Variants in LMBR1 observed in about 807,000 individuals in gnomAD.
LMBR1 encodes limb development membrane protein 1, also known as limb region 1 protein homolog.
Under a neutral mutation model 73.9 loss-of-function variants are expected in LMBR1, and 52 were observed. That is an observed-to-expected ratio of 0.70 (90% CI 0.56 to 0.89). The LOEUF (loss-of-function observed/expected upper bound fraction) is 0.89. Among genes scored for constraint, LMBR1 ranks in the 40% least tolerant of loss-of-function variants. The probability of loss-of-function intolerance (pLI) is 0.00; values close to 1 mark genes in which losing one functional copy is unlikely to be tolerated. For missense variants in LMBR1, 539 were observed against 579.8 expected (o/e 0.93, Z 0.72); for synonymous variants, 215 against 209.4 (o/e 1.03, Z -0.23).
rs1421924229 is a variant in LMBR1, at chr7:156,670,400, A to C, written n.867-1113T>G. ...CGGGTCCAGGGAAGTGACTTGCCTA[A>C]GAGAGGATGTGGCGCAGGATGTCAC... On this transcript the variant is annotated intron_variant and non_coding_transcript_variant, in intron 4 of 4. Coordinates refer to the LMBR1 transcript ENST00000430825. The surrounding 1 kb of genome is among the most constrained non-coding windows in gnomAD (Gnocchi z 4.3). 6.6e-6 allele frequency among the ~76,000 whole-genome samples: 1 copy of C among 152,232 alleles called. No individual in the cohort carries two copies. Among genetic ancestry groups the C allele is most frequent in the Non-Finnish European group, 1.5e-5 (1 of 68,050 alleles).
At chr7:156,705,105 C>T (rs564291658) in intron 15 of LMBR1, among the ~76,000 whole-genome samples, 6 of 152,290 alleles carry the variant, frequency 3.9e-5, no homozygotes, top group Admixed American at 6.5e-5. Flanking sequence ...ATGAAAAATA[C>T]ACTGCACAAA....
rs1162576006 is a variant in LMBR1 at position 156,803,459 on chromosome 7, C to A, written c.320-6967G>T. 4.6e-5 allele frequency among the ~76,000 whole-genome samples: 7 copies of A among 152,260 alleles called. No homozygotes were observed. The East Asian group carries it at 1.2e-3, about 25-fold the overall frequency. On this transcript the variant is annotated intron_variant, in intron 4 of 16. Coordinates refer to ENST00000353442, the MANE Select transcript of LMBR1 (RefSeq NM_022458.4). ...AATCAAAACCACAATGAGACACCAT[C>A]TCACACCAGTTAGAATGGCGATCAT...
intron 4 of LMBR1, among the ~76,000 whole-genome samples, chr7:156,813,380 C>T (rs1435835347): frequency 6.6e-6 from 1 of 152,228 alleles, no homozygotes; most frequent in Non-Finnish European, 1.5e-5. Flanking sequence ...TAGTTACCTA[C>T]TCTATTTCAA....
At chr7:156,719,900 A>G (rs1052480090) in intron 15 of LMBR1, among the ~76,000 whole-genome samples, 3 of 151,760 alleles carry the variant, frequency 2.0e-5, no homozygotes, top group Non-Finnish European at 3.0e-5. Context: ...CTGGCTAGCC[A>G]TATGTAGAAA....
At chr7:156,743,243 C>CAA (rs1401634214) in intron 9 of LMBR1, among the ~76,000 whole-genome samples, 7 of 152,058 alleles carry the variant, frequency 4.6e-5, no homozygotes, top group Non-Finnish European at 2.9e-5. Context: ...AAATGACTTA[C>CAA]GATTTAGCTT....
chr7:156,734,318 G>GGTTTAATTAAA, intron 9 of LMBR1, 61 bp from the exon 10 acceptor site: 2 of 1,033,770 alleles, frequency 1.9e-6, no homozygotes, highest in African/African-American at 1.6e-5. Flanking sequence ...AGAACAGGTA[G>GGTTTAATTAAA]CCCTTTAATT....
chr7:156,888,428 A>C (rs1273681091), intron 1 of LMBR1, among the ~76,000 whole-genome samples: 2 of 151,670 alleles, frequency 1.3e-5, no homozygotes, highest in Middle Eastern at 3.4e-3. Context: ...AAAAAAAAAA[A>C]ATTAAACATA....
At chr7:156,802,335 T>C (rs1563397457) in intron 4 of LMBR1, among the ~76,000 whole-genome samples, 3 of 152,214 alleles carry the variant, frequency 2.0e-5, no homozygotes, top group South Asian at 4.1e-4. Context: ...ATTACAAATC[T>C]CTAGATCAAA....
chr7:156,730,677 G>A (rs1266282746), intron 10 of LMBR1, among the ~76,000 whole-genome samples: 2 of 152,178 alleles, frequency 1.3e-5, no homozygotes, highest in African/African-American at 4.8e-5. Context: ...GGTGGCTCAC[G>A]CCTGTAATCC....
chr7:156,763,181 TA>T lies in LMBR1; in HGVS notation c.551-6del, dbSNP rs772256899. The T allele has an allele frequency of 4.6e-5, 54 of 1,179,750 alleles. No individual in the cohort carries two copies. The highest frequency in any genetic ancestry group is 6.9e-5 in the Admixed American group (3 of 43,504). 73.1% of individuals were successfully genotyped at this position (1,179,750 alleles called of 1,614,324 possible). A position where few individuals can be genotyped will look rare whatever the true frequency, so the allele number is the denominator to read the frequency against. The stretch of plus-strand genomic sequence containing the variant: ...GTAGATAGAACTCCCAGAGATCTAT[TA>T]AAAAAAAGTAAATATATTTTAATAA... On this transcript the variant is annotated splice_polypyrimidine_tract_variant and splice_region_variant and intron_variant, in intron 6 of 16. Transcript: ENST00000353442.
intron 1 of LMBR1, among the ~76,000 whole-genome samples, chr7:156,891,208 AAAAATATAT>A (rs1402177005): frequency 6.8e-5 from 6 of 88,236 alleles, no homozygotes; most frequent in African/African-American, 3.0e-4. Flanking sequence ...AAAAAAAAAA[AAAAATATAT>A]ATATATATAT....
At chr7:156,882,054 C>A (rs558658176) in intron 1 of LMBR1, among the ~76,000 whole-genome samples, 1 of 152,238 alleles carries the variant, frequency 6.6e-6, no homozygotes, top group South Asian at 2.1e-4. Context: ...TTCACAATAG[C>A]AAAGATGTGG....
intron 6 of LMBR1, among the ~76,000 whole-genome samples, 176 bp downstream of exon 6, chr7:156,763,489 AAAAT>A (rs1823507041): frequency 6.6e-6 from 1 of 152,174 alleles, no homozygotes; most frequent in Non-Finnish European, 1.5e-5. Flanking sequence ...CTTCACATAT[AAAAT>A]AAATAAAACT....
intron 3 of LMBR1, among the ~76,000 whole-genome samples, chr7:156,828,723 T>A (rs1290873555): frequency 6.6e-6 from 1 of 152,218 alleles, no homozygotes; most frequent in Admixed American, 6.5e-5. Flanking sequence ...ATACTTTCAG[T>A]TAGCAAACAA....
At position 156,763,658 on chromosome 7, in the gene LMBR1, G is replaced by GA; in HGVS notation, c.550+10dup. On this transcript the variant is annotated intron_variant, in intron 6 of 16. Transcript: ENST00000353442. ...CAGTAAGGAAACTGGTTAAAACAAG[G>GA]AAATCCATACCATATAAAGATTCCA... 2.6e-6 allele frequency: 4 copies of GA among 1,560,866 alleles called. No homozygotes were observed. The highest frequency in any genetic ancestry group is 3.4e-6 in the Non-Finnish European group (4 of 1,163,690).
intron 1 of LMBR1, among the ~76,000 whole-genome samples, chr7:156,837,569 A>T (rs76260799): frequency 0.032 from 4,825 of 152,220 alleles, 122 homozygotes; most frequent in South Asian, 0.084. Context: ...TTAAAACATT[A>T]TCAAAAGCTT....
intron 10 of LMBR1, 61 bp downstream of exon 10, chr7:156,734,116 G>A: frequency 1.9e-6 from 2 of 1,046,458 alleles, no homozygotes; most frequent in Non-Finnish European, 1.4e-6. Context: ...TCAGACTACA[G>A]TAAAGTCTTT....
Position 156,770,687 on chromosome 7 carries a change from G to C in LMBR1, c.424-6892C>G, listed in dbSNP as rs183899643. Among the ~76,000 whole-genome samples, 65 of 152,272 alleles carry C rather than the reference G, an allele frequency of 4.3e-4. No homozygotes were observed. In the East Asian group the frequency reaches 6.2e-3, roughly 14 times the overall value. On this transcript the variant is annotated intron_variant, in intron 5 of 16. Coordinates refer to ENST00000353442, the MANE Select transcript of LMBR1 (RefSeq NM_022458.4). ...CTAGTACTTTTAAAGGGGGAGGCAG[G>C]AGGATCATTTGAGCCCAGAAGTTCA...
In LMBR1 at chr7:156,681,085, T is replaced by TA. The variant is rs71838136; in HGVS notation, c.*2992dup. 0.35 allele frequency: 124,680 copies of TA among 351,756 alleles called. 8,186 individuals carry two copies. Among genetic ancestry groups the TA allele is most frequent in the South Asian group, 0.41 (17,851 of 43,286 alleles). 21.8% of individuals were successfully genotyped at this position (351,756 alleles called of 1,614,324 possible). On this transcript the variant is annotated 3_prime_UTR_variant, in exon 17 of 17. Coordinates refer to ENST00000353442, the MANE Select transcript of LMBR1 (RefSeq NM_022458.4). ...GTCGGTGCTGCATCTATGTTCACAT[T>TA]AAAAAAAAAAACTTGTAAGAATTCT...
Sources: gnomAD v4.1 joint callset for allele counts (sites outside exome capture counted in the v4.1 genomes callset) on GRCh38, gnomAD v4.1.1 for gene constraint, Gnocchi (gnomAD v3.1) non-coding constraint, MANE v1.5 for transcripts, NCBI Gene and HGNC (gene_info 2026-07-23, HGNC 2026-07-21) for gene names.